The following MAPKAP1 variants were observed in gnomAD, a reference collection of about 807,000 sequenced individuals.
MAPKAP1 encodes target of rapamycin complex 2 subunit MAPKAP1.
MAPKAP1 carries 20 observed loss-of-function variants against 65.7 expected under a neutral mutation model. The ratio of observed to expected loss-of-function variants is 0.30; its 90% confidence interval spans 0.21 to 0.44. MAPKAP1 has a LOEUF of 0.44. MAPKAP1 is among the 20% of genes least tolerant of loss of function. The pLI is 1.00. For synonymous variants in MAPKAP1, 222 were observed against 244.3 expected, an observed-to-expected ratio of 0.91 and a Z score of 0.85; for missense variants, 423 against 648.0, an observed-to-expected ratio of 0.65 and a Z score of 3.77.
intron 7 of MAPKAP1, among the ~76,000 whole-genome samples, chr9:125,507,431 C>T (rs955705273): frequency 3.3e-5 from 5 of 152,200 alleles, no homozygotes; most frequent in Non-Finnish European, 5.9e-5. Flanking sequence ...CCGTGCAGGG[C>T]TCCCAGGCGG....
At chr9:125,483,615 T>C (rs890724074) in intron 9 of MAPKAP1, among the ~76,000 whole-genome samples, 1 of 152,188 alleles carries the variant, frequency 6.6e-6, no homozygotes, top group Non-Finnish European at 1.5e-5. Flanking sequence ...TTCCTCTCCC[T>C]CGGCCATCAC....
At chr9:125,641,251 A>T (rs1413138407) in intron 4 of MAPKAP1, among the ~76,000 whole-genome samples, 1 of 152,218 alleles carries the variant, frequency 6.6e-6, no homozygotes, top group African/African-American at 2.4e-5. Context: ...CATAATAGCC[A>T]TTCAAAATTT....
chr9:125,568,667 T>C (rs929993551), intron 5 of MAPKAP1: 1 of 152,288 alleles, frequency 6.6e-6, no homozygotes, highest in African/African-American at 2.4e-5. Flanking sequence ...CAGTTTGATA[T>C]TGGGTGCTAA....
chr9:125,441,863 C>T (rs1220059734), intron 11 of MAPKAP1, among the ~76,000 whole-genome samples: 1 of 152,082 alleles, frequency 6.6e-6, no homozygotes. Flanking sequence ...CCTGGCGGCT[C>T]ATGTCTTTAA....
intron 4 of MAPKAP1, among the ~76,000 whole-genome samples, chr9:125,613,304 AT>A (rs1465123467): frequency 6.6e-6 from 1 of 152,208 alleles, no homozygotes; most frequent in African/African-American, 2.4e-5. Context: ...AATAAAGCGC[AT>A]ATTTCCCAAC....
chr9:125,553,554 G>C (rs1209978649), intron 6 of MAPKAP1, among the ~76,000 whole-genome samples: 1 of 151,596 alleles, frequency 6.6e-6, no homozygotes, highest in Non-Finnish European at 1.5e-5. Context: ...AAAAATGGGA[G>C]GGGAGGGGAG....
intron 4 of MAPKAP1, among the ~76,000 whole-genome samples, chr9:125,594,622 C>T (rs1347707519): frequency 5.9e-5 from 9 of 152,120 alleles, no homozygotes; most frequent in Admixed American, 5.9e-4. Context: ...AATAAATTCC[C>T]TCTTCTCTCC....
intron 6 of MAPKAP1, among the ~76,000 whole-genome samples, chr9:125,553,656 G>A (rs975116717): frequency 9.2e-5 from 14 of 152,124 alleles, no homozygotes; most frequent in East Asian, 7.7e-4. Context: ...TGTAGTCTAC[G>A]GCTACTCACA....
intron 4 of MAPKAP1, among the ~76,000 whole-genome samples, chr9:125,603,346 C>G (rs894947154): frequency 6.6e-6 from 1 of 152,046 alleles, no homozygotes; most frequent in African/African-American, 2.4e-5. Flanking sequence ...GTGGCAGTAC[C>G]CAATTGTGCT....
chr9:125,596,621 G>T lies in MAPKAP1; in HGVS notation c.499-10894C>A, dbSNP rs184920006. On this transcript the variant is annotated intron_variant, in intron 4 of 11. Coordinates refer to ENST00000265960, the MANE Select transcript of MAPKAP1 (RefSeq NM_001006617.3). ...AGCAGTAGCTACAGCAGTGGCAGAA[G>T]ATTTTAATTACTGCCAGCAAACAAA... The T allele has an allele frequency of 1.4e-3, 899 of 653,676 alleles. 3 individuals carry two copies. The highest frequency in any genetic ancestry group is 1.8e-3 in the Admixed American group (99 of 55,142). The allele number at this position is 653,676 out of a possible 1,614,324, so 40.5% of individuals were successfully genotyped here.
rs147529115 is a variant in MAPKAP1 at position 125,439,125 on chromosome 9, G to A, written c.1444-113C>T. 199 of 1,251,990 alleles carry A rather than the reference G, an allele frequency of 1.6e-4. 2 individuals carry two copies. In the East Asian group the frequency reaches 4.9e-3, roughly 31 times the overall value. The allele number at this position is 1,251,990 out of a possible 1,614,324, so 77.6% of individuals were successfully genotyped here. ...ACCTGGGCCGGGTGCCTCAGGGCCA[G>A]GTGCTGTCGTGTGGAAGGAGTCCAG... On this transcript the variant is annotated intron_variant, in intron 11 of 11. Coordinates refer to ENST00000265960, the MANE Select transcript of MAPKAP1 (RefSeq NM_001006617.3). The surrounding 1 kb of genome is among the most constrained non-coding windows in gnomAD (Gnocchi z 4.0).
At chr9:125,603,437 G>A (rs1177583306) in intron 4 of MAPKAP1, among the ~76,000 whole-genome samples, 2 of 152,068 alleles carry the variant, frequency 1.3e-5, no homozygotes, top group East Asian at 1.9e-4. Context: ...ACATGGCATC[G>A]AGCTCCAACA....
At chr9:125,535,341 C>T (rs545019279) in intron 7 of MAPKAP1, among the ~76,000 whole-genome samples, 22 of 152,318 alleles carry the variant, frequency 1.4e-4, no homozygotes, top group African/African-American at 5.3e-4. Flanking sequence ...AGTAGGACTC[C>T]CTTACCTGTG....
At chr9:125,638,534 C>G (rs754732413) in intron 4 of MAPKAP1, among the ~76,000 whole-genome samples, 8 of 152,190 alleles carry the variant, frequency 5.3e-5, no homozygotes, top group Non-Finnish European at 8.8e-5. Context: ...TTGTTTTGCA[C>G]ACAAAATACA....
At chr9:125,646,676 G>C (rs1353630815) in intron 4 of MAPKAP1, among the ~76,000 whole-genome samples, 3 of 152,082 alleles carry the variant, frequency 2.0e-5, no homozygotes, top group Non-Finnish European at 4.4e-5. Context: ...AAAATAGAAA[G>C]AGGAAAAAAA....
At chr9:125,530,226 C>G (rs1339233788) in intron 7 of MAPKAP1, among the ~76,000 whole-genome samples, 2 of 152,142 alleles carry the variant, frequency 1.3e-5, no homozygotes, top group African/African-American at 4.8e-5. Flanking sequence ...ATAGGATAAA[C>G]ACATCAAATG....
chr9:125,455,266 CAAT>C (rs1264456231), intron 10 of MAPKAP1, among the ~76,000 whole-genome samples: 1 of 152,124 alleles, frequency 6.6e-6, no homozygotes, highest in East Asian at 1.9e-4. Flanking sequence ...AGTCGTCCAA[CAAT>C]GTTAGAATTA....
Position 125,597,800 on chromosome 9 carries a change from C to A in MAPKAP1, c.499-12073G>T, listed in dbSNP as rs1196174696. Among the ~76,000 whole-genome samples the A allele has an allele frequency of 3.9e-5, 6 of 152,252 alleles. No individual in the cohort carries two copies. In the East Asian group the frequency reaches 7.7e-4, roughly 20 times the overall value. ...GAGTTATTTGCAGCCTTCAAAAGAGCCATTCTCTGAAAAGAATGGCTACAG... is the reference window on the plus strand; with the variant it reads ...GAGTTATTTGCAGCCTTCAAAAGAGACATTCTCTGAAAAGAATGGCTACAG... On this transcript the variant is annotated intron_variant, in intron 4 of 11. Transcript: ENST00000265960.
At chr9:125,672,778 G>C in intron 1 of MAPKAP1, 135 bp from the exon 2 acceptor site, 1 of 628,448 alleles carries the variant, frequency 1.6e-6, no homozygotes, top group Non-Finnish European at 2.8e-6. Context: ...AGCTTAAAAG[G>C]ATTTAGTCTA....
Sources: gnomAD v4.1 joint callset for allele counts (sites outside exome capture counted in the v4.1 genomes callset) on GRCh38, gnomAD v4.1.1 for gene constraint, Gnocchi (gnomAD v3.1) non-coding constraint, MANE v1.5 for transcripts, NCBI Gene and HGNC (gene_info 2026-07-23, HGNC 2026-07-21) for gene names.